ZNF75A: variants seen among roughly 807,000 people sequenced by gnomAD.
The protein encoded by ZNF75A is zinc finger protein 75A.
A neutral mutation model predicts 46.3 loss-of-function variants in ZNF75A; 36 were observed. That is an observed-to-expected ratio of 0.78 (90% CI 0.60 to 1.03). The LOEUF is 1.03. Among genes scored for constraint, ZNF75A ranks in the 50% least tolerant of loss-of-function variants. The pLI is 0.00. For missense variants in ZNF75A, 595 were observed against 551.3 expected (o/e 1.08, Z -0.79); for synonymous variants, 234 against 189.9 (o/e 1.23, Z -1.91).
intron 4 of ZNF75A, 38 bp from the exon 5 acceptor site, chr16:3,313,011 G>T: frequency 6.3e-7 from 1 of 1,589,866 alleles, no homozygotes; most frequent in East Asian, 2.2e-5. Context: ...CTTCTGTACA[G>T]TGGCAGGTTC....
chr16:3,310,362 C>G (rs184201941), intron 2 of ZNF75A, among the ~76,000 whole-genome samples: 262 of 151,898 alleles, frequency 1.7e-3, no homozygotes, highest in Middle Eastern at 0.01. Flanking sequence ...CCACTGCACT[C>G]CAGCCAGGGC....
chr16:3,322,492 C>A (rs2029980600), downstream of ZNF75A, among the ~76,000 whole-genome samples: 1 of 152,152 alleles, frequency 6.6e-6, no homozygotes. Context: ...GTGTACTTTG[C>A]CTAAAGCAGT....
chr16:3,322,030 T>C (rs2029963203), downstream of ZNF75A, among the ~76,000 whole-genome samples: 1 of 152,168 alleles, frequency 6.6e-6, no homozygotes, highest in African/African-American at 2.4e-5. Context: ...CATTTCCTGG[T>C]CACTCCTCCC....
intron 2 of ZNF75A, among the ~76,000 whole-genome samples, chr16:3,311,169 G>A (rs956580894): frequency 2.0e-5 from 3 of 152,108 alleles, no homozygotes; most frequent in South Asian, 2.1e-4. Context: ...TGGGCACAAT[G>A]GCTCACACCT....
At chr16:3,311,133 G>A (rs1018788474) in intron 2 of ZNF75A, among the ~76,000 whole-genome samples, 3 of 152,088 alleles carry the variant, frequency 2.0e-5, no homozygotes, top group Admixed American at 2.0e-4. Flanking sequence ...TGACAAGACA[G>A]TATTAGAATG....
In ZNF75A at chr16:3,317,653, C is replaced by T. The variant is rs1961325958; in HGVS notation, c.1398C>T (p.Ser466=). The T allele has an allele frequency of 1.2e-6, 2 of 1,613,948 alleles. No individual in the cohort carries two copies. Among genetic ancestry groups the T allele is most frequent in the African/African-American group, 2.7e-5 (2 of 74,878 alleles). Residue 466 remains serine (S), a synonymous_variant, in exon 7 of 7, where the codon AGC becomes AGT. Coordinates refer to ENST00000669516, the MANE Select transcript of ZNF75A (RefSeq NM_001302109.2). ...ATAAATGTTCATGGTGTGGGAAAAG[C>T]TTCAGTCAAAATACAAATTTACATA... ...KPYKCSWCGK[S]FSQNTNLHTH...
Position 3,308,507 on chromosome 16 carries a change from A to G in ZNF75A, c.79A>G (p.Arg27Gly). 1 of 985,906 alleles carries G rather than the reference A, an allele frequency of 1.0e-6. No individual in the cohort carries two copies. Among genetic ancestry groups the G allele is most frequent in the Non-Finnish European group, 1.2e-6 (1 of 829,952 alleles). 61.1% of individuals were successfully genotyped at this position (985,906 alleles called of 1,614,324 possible). A position where few individuals can be genotyped will look rare whatever the true frequency, so the allele number is the denominator to read the frequency against. ...TTTGTGGGAGACCAAGGGGCCTGCAAGAGAGAGCTCCGGTCAGAGTAAAAA... is the reference window on the plus strand; with the variant it reads ...TTTGTGGGAGACCAAGGGGCCTGCAGGAGAGAGCTCCGGTCAGAGTAAAAA... ...RALWETKGPA[R>G]ESSGQSKKSP... The change falls in exon 2 of 7, where the codon AGA (arginine) becomes GGA (glycine). Residue 27 changes from arginine (R) to glycine (G), a missense_variant. By Grantham distance (125) the Arg-to-Gly change is moderately radical. Coordinates refer to ENST00000669516, the MANE Select transcript of ZNF75A (RefSeq NM_001302109.2).
At chr16:3,323,223 C>A, downstream of ZNF75A, 1 of 749,946 alleles carries the variant, frequency 1.3e-6, no homozygotes, top group South Asian at 1.4e-5. Flanking sequence ...GATGCATTCA[C>A]CCCAATAGCC....
Position 3,317,681 on chromosome 16 carries a change from C to T in ZNF75A, c.1426C>T (p.His476Tyr), listed in dbSNP as rs1244483316. The T allele has an allele frequency of 6.2e-7, 1 of 1,614,174 alleles. No individual in the cohort carries two copies. Among genetic ancestry groups the T allele is most frequent in the Non-Finnish European group, 8.5e-7 (1 of 1,180,022 alleles). Residue 476 changes from histidine (H) to tyrosine (Y), a missense_variant, in exon 7 of 7, where the codon CAC (histidine) becomes TAC (tyrosine). Coordinates refer to ENST00000669516, the MANE Select transcript of ZNF75A (RefSeq NM_001302109.2). ...CAGTCAAAATACAAATTTACATACA[C>T]ACCAAAGAACTCATACAGGAGAAAA... ...SFSQNTNLHT[H>Y]QRTHTGEKPF...
chr16:3,313,236 A>C, intron 5 of ZNF75A, 61 bp downstream of exon 5: 1 of 1,561,392 alleles, frequency 6.4e-7, no homozygotes. Context: ...ACTGAGAAGG[A>C]ACCCCAGTGA....
chr16:3,317,134 T>G lies in ZNF75A; in HGVS notation c.935-56T>G, dbSNP rs541032787. 1.4e-5 allele frequency: 21 copies of G among 1,551,456 alleles called. No individual in the cohort carries two copies. The South Asian group carries it at 2.0e-4, about 15-fold the overall frequency. ...TTTAATCATTGAATTTTTCTTTTTA[T>G]TCCTGTGATTTGCTTGTTCTGGGAT... is the stretch of plus-strand genomic sequence containing the variant. On this transcript the variant is annotated intron_variant, in intron 6 of 6. Transcript: ENST00000669516.
At chr16:3,308,893 G>A (rs1460715398) in intron 2 of ZNF75A, 57 bp downstream of exon 2, 7 of 964,870 alleles carry the variant, frequency 7.3e-6, no homozygotes, top group Non-Finnish European at 8.6e-6. Context: ...GGATATAGTA[G>A]AGATGGTGGC....
At chr16:3,310,621 C>T (rs752353577) in intron 2 of ZNF75A, 21 of 950,346 alleles carry the variant, frequency 2.2e-5, no homozygotes, top group African/African-American at 3.6e-5. Flanking sequence ...GTGAGACCCC[C>T]GTCTCAAAAC....
rs771923985 is a variant in ZNF75A at position 3,317,852 on chromosome 16, C to T, written c.1597C>T (p.Gln533Ter). 4 of 1,608,050 alleles carry T rather than the reference C, an allele frequency of 2.5e-6. No individual in the cohort carries two copies. The highest frequency in any genetic ancestry group is 3.4e-5 in the Admixed American group (2 of 59,360). The change falls in exon 7 of 7, where the codon CAG (glutamine) becomes TAG (stop). Residue 533 changes from glutamine (Q) to a stop codon, truncating the protein, a stop_gained. Coordinates refer to ENST00000669516, the MANE Select transcript of ZNF75A (RefSeq NM_001302109.2). LOFTEE classifies it high-confidence loss of function. ...CAGGCGGTCAAGCCTTCTTAGACACCAGAAACTCCACCTGTGAAGAGAAGC... is the reference window on the plus strand; with the variant it reads ...CAGGCGGTCAAGCCTTCTTAGACACTAGAAACTCCACCTGTGAAGAGAAGC... ...FSRRSSLLRH[Q>*]KLHL is the part of the protein sequence containing the mutation.
At chr16:3,323,140 G>T, downstream of ZNF75A, 1 of 553,338 alleles carries the variant, frequency 1.8e-6, no homozygotes, top group East Asian at 3.6e-5. Context: ...AAAAACACAT[G>T]CTTCCACTTC....
In ZNF75A at chr16:3,318,790, T is replaced by C. The variant is rs1961410614; in HGVS notation, c.*921T>C. The C allele has an allele frequency of 3.0e-6, 3 of 985,458 alleles. No homozygotes were observed. Among genetic ancestry groups the C allele is most frequent in the Non-Finnish European group, 3.6e-6 (3 of 829,948 alleles). 61.0% of individuals were successfully genotyped at this position (985,458 alleles called of 1,614,324 possible). A position where few individuals can be genotyped will look rare whatever the true frequency, so the allele number is the denominator to read the frequency against. ...GCAGGATCCTGTGGCTCATTTGGCATGGAGACCTGGACATGTAGTCAGCAG... is the reference window on the plus strand; with the variant it reads ...GCAGGATCCTGTGGCTCATTTGGCACGGAGACCTGGACATGTAGTCAGCAG... On this transcript the variant is annotated 3_prime_UTR_variant, in exon 7 of 7. Coordinates refer to ENST00000669516, the MANE Select transcript of ZNF75A (RefSeq NM_001302109.2).
At chr16:3,312,131 G>C (rs1358974006) in intron 3 of ZNF75A, 183 bp downstream of exon 3, 2 of 158,422 alleles carry the variant, frequency 1.3e-5, no homozygotes, top group Non-Finnish European at 1.4e-5. Flanking sequence ...GTGGGAGTAG[G>C]CCTAGAGAAC....
At chr16:3,315,242 A>G (rs532968815) in intron 5 of ZNF75A, 1 of 250,486 alleles carries the variant, frequency 4.0e-6, no homozygotes, top group African/African-American at 2.7e-5. Flanking sequence ...CCCAGGCTGG[A>G]GTGCAGTGGT....
intron 5 of ZNF75A, among the ~76,000 whole-genome samples, 173 bp downstream of exon 5, chr16:3,313,348 G>T (rs56998590): frequency 0.033 from 5,079 of 152,258 alleles, 300 homozygotes; most frequent in African/African-American, 0.12. Flanking sequence ...TTTTCCAAAT[G>T]TACATGCCGA....
Sources: gnomAD v4.1 joint callset for allele counts (sites outside exome capture counted in the v4.1 genomes callset) on GRCh38, gnomAD v4.1.1 for gene constraint, MANE v1.5 for transcripts, NCBI Gene and HGNC (gene_info 2026-07-23, HGNC 2026-07-21) for gene names.